Variants in OXR1 observed in about 807,000 individuals in gnomAD.
OXR1 encodes the protein oxidation resistance protein 1.
OXR1 carries 41 observed loss-of-function variants against 104.6 expected under a neutral mutation model. The ratio of observed to expected loss-of-function variants is 0.39; its 90% CI spans 0.31 to 0.51. The LOEUF (loss-of-function observed/expected upper bound fraction) is 0.51, where lower values mean the gene tolerates loss of function less well. Among genes scored for constraint, OXR1 ranks in the 20% least tolerant of loss-of-function variants. OXR1 has a pLI of 0.77. For synonymous variants in OXR1, 348 were observed against 348.4 expected (o/e 1.00, Z 0.01); for missense variants, 955 against 1,031.9 (o/e 0.93, Z 1.02).
At position 106,497,044 on chromosome 8, in the gene OXR1, A is replaced by G. The variant is rs563351926; in HGVS notation, c.24-21899A>G. Among the ~76,000 whole-genome samples, 6 of 152,294 alleles carry G rather than the reference A, an allele frequency of 3.9e-5. No individual in the cohort carries two copies. The South Asian group carries it at 8.3e-4, about 21-fold the overall frequency. ...AAAGCACAAAAGTGATTGAGATTGA[A>G]TTTCCTGCCACAGGACGCTCAGTGT... On this transcript the variant is annotated intron_variant, in intron 2 of 16. Coordinates refer to ENST00000517566, the MANE Select transcript of OXR1 (RefSeq NM_001198533.2).
At chr8:106,594,405 A>G (rs1819356255) in intron 3 of OXR1, among the ~76,000 whole-genome samples, 1 of 152,204 alleles carries the variant, frequency 6.6e-6, no homozygotes, top group African/African-American at 2.4e-5. Context: ...TGGTCCTAAA[A>G]CCAGCAAAGC....
intron 2 of OXR1, among the ~76,000 whole-genome samples, chr8:106,506,280 A>G (rs1314582515): frequency 1.3e-5 from 2 of 152,190 alleles, no homozygotes; most frequent in Non-Finnish European, 1.5e-5. Context: ...CTAGCTGAAT[A>G]TTTAAGTTCC....
intron 11 of OXR1, among the ~76,000 whole-genome samples, chr8:106,723,497 C>CAAA (rs550424646): frequency 3.3e-4 from 32 of 95,698 alleles, no homozygotes; most frequent in East Asian, 1.0e-3. Flanking sequence ...GCCTCTGTCT[C>CAAA]AAAAAAAAAA....
intron 2 of OXR1, among the ~76,000 whole-genome samples, chr8:106,417,581 A>G (rs969856074): frequency 1.3e-5 from 2 of 152,254 alleles, no homozygotes; most frequent in African/African-American, 2.4e-5. Flanking sequence ...TTCTGTTTCT[A>G]TAATAACATA....
intron 2 of OXR1, among the ~76,000 whole-genome samples, chr8:106,367,902 T>C (rs781472892): frequency 1.1e-4 from 17 of 151,978 alleles, no homozygotes; most frequent in Non-Finnish European, 2.2e-4. Context: ...AAGTATCTGG[T>C]ATGCTTGGGG....
chr8:106,289,421 A>G lies in OXR1; in HGVS notation c.-139+19054A>G, dbSNP rs146564342. ...TCACAATCCCATTTACAATAGCCAC[A>G]AAGAAAGGAAATACTTAGGAACACA... On this transcript the variant is annotated intron_variant, in intron 1 of 16. Coordinates refer to ENST00000517566, the MANE Select transcript of OXR1 (RefSeq NM_001198533.2). Among the ~76,000 whole-genome samples the G allele has an allele frequency of 1.3e-3, 193 of 152,314 alleles. 2 individuals are homozygous for G. The highest frequency in any genetic ancestry group is 3.5e-3 in the Admixed American group (54 of 15,302).
chr8:106,344,275 T>C (rs73701148), intron 1 of OXR1, among the ~76,000 whole-genome samples: 4,797 of 152,304 alleles, frequency 0.031, 93 homozygotes, highest in South Asian at 0.11. Context: ...TCTCTCCTAA[T>C]CCCTCCACAG....
intron 2 of OXR1, among the ~76,000 whole-genome samples, chr8:106,392,203 AAGTTT>A (rs1163268614): frequency 6.6e-6 from 1 of 152,170 alleles, no homozygotes; most frequent in Non-Finnish European, 1.5e-5. Context: ...ATTGCTTAGA[AAGTTT>A]CTTGTACATA....
At chr8:106,442,544 C>T (rs1326271626) in intron 2 of OXR1, among the ~76,000 whole-genome samples, 1 of 152,068 alleles carries the variant, frequency 6.6e-6, no homozygotes, top group African/African-American at 2.4e-5. Context: ...CCGTCTGGTC[C>T]TGGGCTTTTT....
intron 2 of OXR1, among the ~76,000 whole-genome samples, chr8:106,419,963 C>A (rs1188513289): frequency 1.3e-5 from 2 of 151,964 alleles, no homozygotes; most frequent in African/African-American, 4.8e-5. Flanking sequence ...TTTAGAAAGT[C>A]AGTAGCCCAG....
intron 7 of OXR1, among the ~76,000 whole-genome samples, chr8:106,693,618 A>T (rs971436429): frequency 6.6e-6 from 1 of 151,980 alleles, no homozygotes; most frequent in African/African-American, 2.4e-5. Context: ...TTTAGTAGAG[A>T]CAGGGTTTCA....
chr8:106,593,801 T>C (rs1332449698), intron 3 of OXR1, among the ~76,000 whole-genome samples: 1 of 152,162 alleles, frequency 6.6e-6, no homozygotes, highest in Non-Finnish European at 1.5e-5. Flanking sequence ...TAGATTCTGA[T>C]TTAACTAAGT....
intron 2 of OXR1, among the ~76,000 whole-genome samples, chr8:106,428,824 A>G (rs1020818867): frequency 2.0e-5 from 3 of 152,126 alleles, no homozygotes; most frequent in South Asian, 4.2e-4. Context: ...AAATAAAGAT[A>G]TAAGAGTTAG....
intron 2 of OXR1, among the ~76,000 whole-genome samples, chr8:106,482,845 GTAAA>G (rs369581604): frequency 0.11 from 16,393 of 151,968 alleles, 956 homozygotes; most frequent in African/African-American, 0.15. Flanking sequence ...GTCATGATGT[GTAAA>G]AATTTAGATC....
intron 3 of OXR1, among the ~76,000 whole-genome samples, chr8:106,575,699 TAAAAAA>T (rs10583625): frequency 6.8e-6 from 1 of 146,044 alleles, no homozygotes; most frequent in Admixed American, 6.8e-5. Context: ...AAGAATATAT[TAAAAAA>T]AAAAAAAAAG....
intron 2 of OXR1, among the ~76,000 whole-genome samples, chr8:106,429,366 A>T (rs1819266415): frequency 6.6e-6 from 1 of 152,146 alleles, no homozygotes; most frequent in Non-Finnish European, 1.5e-5. Flanking sequence ...CACTTAAGAA[A>T]TGCTTACTTT....
At chr8:106,632,132 C>T (rs1348783294) in intron 3 of OXR1, among the ~76,000 whole-genome samples, 2 of 152,116 alleles carry the variant, frequency 1.3e-5, no homozygotes, top group African/African-American at 2.4e-5. Flanking sequence ...AAAGATACAA[C>T]ATGATCCAAA....
At chr8:106,646,519 C>G (rs188194062) in intron 3 of OXR1, among the ~76,000 whole-genome samples, 1 of 151,900 alleles carries the variant, frequency 6.6e-6, no homozygotes, top group Admixed American at 6.6e-5. Context: ...CTTAATATAC[C>G]ACAAAACAAA....
At chr8:106,374,191 T>A (rs1816819648) in intron 2 of OXR1, among the ~76,000 whole-genome samples, 1 of 152,202 alleles carries the variant, frequency 6.6e-6, no homozygotes, top group Admixed American at 6.5e-5. Flanking sequence ...ACTGCCTATA[T>A]AAGGAGCATG....
Sources: gnomAD v4.1 joint callset for allele counts (sites outside exome capture counted in the v4.1 genomes callset) on GRCh38, gnomAD v4.1.1 for gene constraint, MANE v1.5 for transcripts, NCBI Gene and HGNC (gene_info 2026-07-23, HGNC 2026-07-21) for gene names.